Variants in RBMS1 observed in about 807,000 individuals in gnomAD.
RBMS1 encodes RNA-binding motif, single-stranded-interacting protein 1.
Under a neutral mutation model 62.3 loss-of-function variants are expected in RBMS1, and 17 were observed. The observed-to-expected ratio is 0.27, with a 90% CI of 0.19 to 0.41. The LOEUF (loss-of-function observed/expected upper bound fraction) is 0.41, where lower values mean the gene tolerates loss of function less well. RBMS1 is among the 10% of genes least tolerant of loss of function. The pLI is 1.00. For missense variants in RBMS1, 334 were observed against 504.5 expected (o/e 0.66, Z 3.24); for synonymous variants, 172 against 170.0 (o/e 1.01, Z -0.09).
intron 1 of RBMS1, among the ~76,000 whole-genome samples, chr2:160,486,284 C>T (rs1685598573): frequency 6.6e-6 from 1 of 151,988 alleles, no homozygotes; most frequent in Admixed American, 6.6e-5. Context: ...TGTCCTCCAC[C>T]CCCCACCCCC....
chr2:160,489,882 C>T (rs1685750065), intron 1 of RBMS1, among the ~76,000 whole-genome samples: 8 of 152,026 alleles, frequency 5.3e-5, no homozygotes, highest in Admixed American at 5.2e-4. Flanking sequence ...AAATATGTAG[C>T]TAACTAATCA....
At chr2:160,472,913 A>G (rs1190078753) in intron 1 of RBMS1, among the ~76,000 whole-genome samples, 1 of 152,242 alleles carries the variant, frequency 6.6e-6, no homozygotes, top group African/African-American at 2.4e-5. Context: ...AAGAGTTCCA[A>G]GAATGACTAT....
intron 11 of RBMS1, 61 bp downstream of exon 11, chr2:160,278,487 A>G: frequency 1.5e-6 from 2 of 1,322,458 alleles, no homozygotes; most frequent in Non-Finnish European, 2.2e-6. Context: ...GGGAAGATAC[A>G]GGCTGCATTA....
At chr2:160,399,299 A>G (rs1193397280) in intron 1 of RBMS1, among the ~76,000 whole-genome samples, 1 of 152,180 alleles carries the variant, frequency 6.6e-6, no homozygotes, top group Admixed American at 6.5e-5. Flanking sequence ...GAAACAGCCA[A>G]TGTATGCACA....
At chr2:160,282,876 T>A (rs1688177470) in intron 9 of RBMS1, 3 of 152,248 alleles carry the variant, frequency 2.0e-5, no homozygotes, top group Admixed American at 2.0e-4. Flanking sequence ...CCCTACTAGG[T>A]CCCTGAACTT....
At chr2:160,342,894 T>C (rs978208840) in intron 2 of RBMS1, among the ~76,000 whole-genome samples, 1 of 151,820 alleles carries the variant, frequency 6.6e-6, no homozygotes, top group East Asian at 1.9e-4. Flanking sequence ...GCTGAGATCA[T>C]GCCATCGCAT....
chr2:160,341,709 G>A (rs747616121), intron 2 of RBMS1, among the ~76,000 whole-genome samples: 4 of 152,178 alleles, frequency 2.6e-5, no homozygotes, highest in Non-Finnish European at 5.9e-5. Context: ...CAGTTGTGCT[G>A]TGCTACCATC....
At chr2:160,316,858 C>A (rs1213412709) in intron 3 of RBMS1, among the ~76,000 whole-genome samples, 1 of 132,482 alleles carries the variant, frequency 7.5e-6, no homozygotes, top group Non-Finnish European at 1.7e-5. Flanking sequence ...GATCAGCCTC[C>A]TATTTTTATT....
chr2:160,427,577 C>T (rs2105281235), intron 1 of RBMS1, among the ~76,000 whole-genome samples: 1 of 152,210 alleles, frequency 6.6e-6, no homozygotes, highest in Non-Finnish European at 1.5e-5. Context: ...TCCAATTCCA[C>T]AAGGGAATTA....
intron 1 of RBMS1, among the ~76,000 whole-genome samples, chr2:160,391,186 T>G (rs1157768626): frequency 6.7e-6 from 1 of 148,856 alleles, no homozygotes; most frequent in African/African-American, 2.5e-5. Flanking sequence ...CAAGTTAAAA[T>G]GAGGCCCTAA....
chr2:160,371,444 A>G (rs545397212), intron 1 of RBMS1, among the ~76,000 whole-genome samples: 1 of 152,176 alleles, frequency 6.6e-6, no homozygotes, highest in Non-Finnish European at 1.5e-5. Context: ...ACTCATCCCA[A>G]AAGAGCCTAG....
intron 1 of RBMS1, chr2:160,407,948 C>A (rs1695849611): frequency 7.2e-6 from 7 of 978,888 alleles, no homozygotes; most frequent in Non-Finnish European, 8.5e-6. Flanking sequence ...CGCACCGCCT[C>A]GCGCCGCGCC....
intron 1 of RBMS1, among the ~76,000 whole-genome samples, chr2:160,449,162 G>C (rs1252911525): frequency 6.6e-6 from 1 of 151,366 alleles, no homozygotes; most frequent in African/African-American, 2.4e-5. Context: ...GGGAAGTGAG[G>C]AGCGTCTCCG....
At chr2:160,435,103 T>C (rs190307199) in intron 1 of RBMS1, among the ~76,000 whole-genome samples, 18 of 152,264 alleles carry the variant, frequency 1.2e-4, no homozygotes, top group Admixed American at 1.3e-4. Flanking sequence ...CAAGCAGAAA[T>C]GAAAAGAAAG....
At chr2:160,358,754 AT>A (rs747296529) in intron 2 of RBMS1, among the ~76,000 whole-genome samples, 1 of 152,114 alleles carries the variant, frequency 6.6e-6, no homozygotes, top group African/African-American at 2.4e-5. Context: ...AGACTAAAAC[AT>A]TTTTTACCAG....
chr2:160,289,361 T>C (rs1057448168), intron 6 of RBMS1, among the ~76,000 whole-genome samples: 1 of 152,234 alleles, frequency 6.6e-6, no homozygotes, highest in Non-Finnish European at 1.5e-5. Flanking sequence ...AGGCATTTCA[T>C]ATCTTAGGAA....
At chr2:160,438,058 A>G (rs1446780232) in intron 1 of RBMS1, among the ~76,000 whole-genome samples, 1 of 152,144 alleles carries the variant, frequency 6.6e-6, no homozygotes, top group Non-Finnish European at 1.5e-5. Flanking sequence ...TGTTCCTACC[A>G]TTGCTGGAAG....
chr2:160,319,895 T>A (rs980930915), intron 2 of RBMS1, among the ~76,000 whole-genome samples: 1 of 152,212 alleles, frequency 6.6e-6, no homozygotes, highest in African/African-American at 2.4e-5. Context: ...TAACTAGGCA[T>A]GAAAGTAAAG....
chr2:160,470,347 TATTA>T (rs1434700694), intron 1 of RBMS1, among the ~76,000 whole-genome samples: 1 of 152,214 alleles, frequency 6.6e-6, no homozygotes, highest in Non-Finnish European at 1.5e-5. Flanking sequence ...TCCTTTTTCC[TATTA>T]CTTACTCTAA....
Sources: allele counts gnomAD v4.1 joint callset (sites outside exome capture counted in the v4.1 genomes callset), GRCh38; gene constraint gnomAD v4.1.1; transcripts MANE v1.5; gene names NCBI Gene and HGNC (gene_info 2026-07-23, HGNC 2026-07-21).